The following B4GALNT2 variants were observed in gnomAD, a reference collection of about 807,000 sequenced individuals.
The protein encoded by B4GALNT2 is N-acetylneuraminylgalactosylglucosyl-glucoside beta-1,4-N- acetylgalactosaminyltransferase 2.
A neutral mutation model predicts 51.1 loss-of-function variants in B4GALNT2; 42 were observed. The observed-to-expected ratio is 0.82, with a 90% CI of 0.64 to 1.06. B4GALNT2 has a LOEUF of 1.06. B4GALNT2 is among the 50% of genes least tolerant of loss of function. B4GALNT2 has a pLI of 0.00. For missense variants in B4GALNT2, 602 were observed against 633.6 expected (o/e 0.95, Z 0.54); for synonymous variants, 253 against 251.7 (o/e 1.01, Z -0.05).
chr17:49,146,362 G>A (rs1373013701), intron 3 of B4GALNT2, among the ~76,000 whole-genome samples: 1 of 152,006 alleles, frequency 6.6e-6, no homozygotes, highest in African/African-American at 2.4e-5. Context: ...CCAGGCTGGA[G>A]CGCAATGGCA....
chr17:49,163,528 G>A (rs1053457861), intron 7 of B4GALNT2, among the ~76,000 whole-genome samples: 2 of 152,094 alleles, frequency 1.3e-5, no homozygotes, highest in African/African-American at 2.4e-5. Context: ...GGCCGAGGCA[G>A]GTGGATCACC....
At position 49,168,823 on chromosome 17, in the gene B4GALNT2, T is replaced by C; in HGVS notation, c.1238T>C (p.Val413Ala). ...AGCTGCGTGGTGACCAGTGGCGTGG[T>C]CAACTTCTTCCTGGCCCACACGGAG... The part of the protein sequence containing the change: ...FPSCVVTSGV[V>A]NFFLAHTERL... The change falls in exon 10 of 11, where the codon GTC becomes GCC. Residue 413 changes from valine to alanine, a missense_variant. Val to Ala is a moderately conservative substitution (Grantham distance 64). Transcript: ENST00000393354. 2 of 1,613,834 alleles carry C rather than the reference T, an allele frequency of 1.2e-6. No homozygotes were observed. The highest frequency in any genetic ancestry group is 1.7e-6 in the Non-Finnish European group (2 of 1,180,008).
At chr17:49,122,279 G>A in the B4GALNT2 span, among the ~76,000 whole-genome samples, 1 of 152,226 alleles carries the variant, frequency 6.6e-6, no homozygotes, top group Non-Finnish European at 1.5e-5. Context: ...GCTTGTCCAA[G>A]ATGGTGATGC....
chr17:49,174,126 A>G lies in B4GALNT2; in HGVS notation c.*4398A>G, dbSNP rs1335654170. 1 of 152,234 alleles carries G rather than the reference A, an allele frequency of 6.6e-6. No homozygotes were observed. The highest frequency in any genetic ancestry group is 1.5e-5 in the Non-Finnish European group (1 of 68,046). 9.4% of individuals were successfully genotyped at this position (152,234 alleles called of 1,614,324 possible). A position where few individuals can be genotyped will look rare whatever the true frequency, so the allele number is the denominator to read the frequency against. On this transcript the variant is annotated 3_prime_UTR_variant, in exon 11 of 11. Coordinates refer to ENST00000393354, the MANE Select transcript of B4GALNT2 (RefSeq NM_001159387.2). ...AAGTCTCCAAGTAGGAGTAAGGAGT[A>G]GCAGTCTGAATTTTGTCAGGAGCTA...
chr17:49,130,666 A>G (rs1431664386), upstream of B4GALNT2, among the ~76,000 whole-genome samples: 2 of 151,734 alleles, frequency 1.3e-5, no homozygotes, highest in Non-Finnish European at 2.9e-5. Flanking sequence ...GTTGTGTATT[A>G]CTCTTTATGT....
intron 1 of B4GALNT2, among the ~76,000 whole-genome samples, chr17:49,135,946 G>A (rs962681864): frequency 3.3e-5 from 5 of 151,566 alleles, no homozygotes; most frequent in Admixed American, 6.6e-5. Flanking sequence ...AGCCAGGTGT[G>A]GAGGTGCGTG....
At chr17:49,145,717 A>T (rs1192469965) in intron 3 of B4GALNT2, among the ~76,000 whole-genome samples, 2 of 152,116 alleles carry the variant, frequency 1.3e-5, no homozygotes, top group African/African-American at 4.8e-5. Context: ...GCATGGTAAT[A>T]CTAAGAGACA....
upstream of B4GALNT2, among the ~76,000 whole-genome samples, chr17:49,130,682 C>CTT (rs553437068): frequency 0.031 from 4,689 of 152,194 alleles, 152 homozygotes; most frequent in Admixed American, 0.11. Context: ...TATGTATGAA[C>CTT]ACTTATTCAT....
At chr17:49,158,512 C>T (rs1451086597) in intron 5 of B4GALNT2, among the ~76,000 whole-genome samples, 1 of 151,908 alleles carries the variant, frequency 6.6e-6, no homozygotes, top group African/African-American at 2.4e-5. Flanking sequence ...GTGGCTCATG[C>T]CTGTAATCCC....
intron 3 of B4GALNT2, among the ~76,000 whole-genome samples, chr17:49,147,271 T>C (rs1210140328): frequency 6.6e-6 from 1 of 152,224 alleles, no homozygotes; most frequent in African/African-American, 2.4e-5. Context: ...TGCTACATTA[T>C]ACTTCCATTA....
At chr17:49,134,888 G>C (rs185690019) in intron 1 of B4GALNT2, among the ~76,000 whole-genome samples, 136 of 152,282 alleles carry the variant, frequency 8.9e-4, no homozygotes, top group Non-Finnish European at 1.5e-3. Context: ...ACAGTGCCCA[G>C]CCTGATACTA....
At position 49,159,191 on chromosome 17, in the gene B4GALNT2, G is replaced by A. The variant is rs775950015; in HGVS notation, c.653G>A (p.Gly218Glu). 1 of 1,614,130 alleles carries A rather than the reference G, an allele frequency of 6.2e-7. No individual in the cohort carries two copies. Among genetic ancestry groups the A allele is most frequent in the Non-Finnish European group, 8.5e-7 (1 of 1,180,010 alleles). ...ILQHVTYTST[G>E]YQHQKVDIVS... ...CAGCACGTGACATACACCAGCACGG[G>A]GTACCAGCACCAGAAGGTAGACATA... Residue 218 changes from glycine to glutamate, a missense_variant, in exon 6 of 11, where the codon GGG becomes GAG. By Grantham distance (98) the Gly-to-Glu change is moderately conservative. Transcript: ENST00000393354.
Position 49,171,192 on chromosome 17 carries a change from G to A in B4GALNT2, c.*1464G>A, listed in dbSNP as rs2042955613. The A allele has an allele frequency of 4.5e-6, 1 of 222,388 alleles. No homozygotes were observed. 13.8% of individuals were successfully genotyped at this position (222,388 alleles called of 1,614,324 possible). A position where few individuals can be genotyped will look rare whatever the true frequency, so the allele number is the denominator to read the frequency against. ...GTTTTCCAAAGTGATAAAAGCAAAG[G>A]CAGCTTTGTCATGGTGAGCTAATTC... On this transcript the variant is annotated 3_prime_UTR_variant, in exon 11 of 11. Coordinates refer to ENST00000393354, the MANE Select transcript of B4GALNT2 (RefSeq NM_001159387.2).
At chr17:49,122,281 T>C in the B4GALNT2 span, among the ~76,000 whole-genome samples, 1 of 152,218 alleles carries the variant, frequency 6.6e-6, no homozygotes, top group African/African-American at 2.4e-5. Flanking sequence ...TTGTCCAAGA[T>C]GGTGATGCTC....
At position 49,160,568 on chromosome 17, in the gene B4GALNT2, C is replaced by T. The variant is rs148383545; in HGVS notation, c.693C>T (p.Ser231=). The stretch of plus-strand genomic sequence containing the variant: ...TTCTCCCTCCAGTGAGTCTGGAGTC[C>T]AGGTCCTCAGTGGCCAAGTTTCCAG... ...HQKVDIVSLE[S]RSSVAKFPVT... Residue 231 remains serine, a synonymous_variant, in exon 7 of 11, where the codon TCC becomes TCT. Coordinates refer to ENST00000393354, the MANE Select transcript of B4GALNT2 (RefSeq NM_001159387.2). 267 of 1,613,962 alleles carry T rather than the reference C, an allele frequency of 1.7e-4. No individual in the cohort carries two copies. The African/African-American group carries it at 2.6e-3, about 16-fold the overall frequency.
At chr17:49,167,197 T>A (rs948734798) in intron 9 of B4GALNT2, among the ~76,000 whole-genome samples, 4 of 152,212 alleles carry the variant, frequency 2.6e-5, no homozygotes, top group Non-Finnish European at 5.9e-5. Context: ...CACTGGCAGC[T>A]GAGTTGGCTC....
chr17:49,159,859 G>A (rs966561986), intron 6 of B4GALNT2, among the ~76,000 whole-genome samples: 1 of 152,108 alleles, frequency 6.6e-6, no homozygotes, highest in African/African-American at 2.4e-5. Flanking sequence ...TTCCACTGCA[G>A]TAGAGGAGGG....
chr17:49,123,695 A>T, the B4GALNT2 span, among the ~76,000 whole-genome samples: 3 of 152,358 alleles, frequency 2.0e-5, no homozygotes, highest in Admixed American at 6.5e-5. Flanking sequence ...GAATTATACC[A>T]TTAAATACCT....
intron 4 of B4GALNT2, among the ~76,000 whole-genome samples, chr17:49,155,941 A>T (rs904425588): frequency 2.0e-5 from 3 of 151,840 alleles, no homozygotes; most frequent in African/African-American, 7.3e-5. Flanking sequence ...GTTAGCCAGG[A>T]TGATCTCGAT....
Sources: allele counts gnomAD v4.1 joint callset (sites outside exome capture counted in the v4.1 genomes callset), GRCh38; gene constraint gnomAD v4.1.1; transcripts MANE v1.5; gene names NCBI Gene and HGNC (gene_info 2026-07-23, HGNC 2026-07-21).